The following BTBD9 variants were observed in gnomAD, a reference collection of about 807,000 sequenced individuals.
BTBD9 encodes BTB domain containing 9, also known as BTB/POZ domain-containing protein 9.
BTBD9 carries 49 observed loss-of-function variants against 64.3 expected under a neutral mutation model. The ratio of observed to expected loss-of-function variants is 0.76; its 90% CI spans 0.61 to 0.97. The LOEUF (loss-of-function observed/expected upper bound fraction) is 0.97. Among genes scored for constraint, BTBD9 ranks in the 50% least tolerant of loss-of-function variants. The probability of loss-of-function intolerance (pLI) is 0.00; values close to 1 mark genes in which losing one functional copy is unlikely to be tolerated. For missense variants in BTBD9, 598 were observed against 762.1 expected (o/e 0.78, Z 2.53); for synonymous variants, 260 against 274.7 (o/e 0.95, Z 0.53).
chr6:38,209,652 G>A (rs1762765897), intron 9 of BTBD9, among the ~76,000 whole-genome samples: 1 of 152,144 alleles, frequency 6.6e-6, no homozygotes, highest in South Asian at 2.1e-4. Context: ...AATTCCTCAG[G>A]TGATTTCAAT....
chr6:38,299,573 A>G (rs1762304960), intron 7 of BTBD9, among the ~76,000 whole-genome samples: 2 of 152,150 alleles, frequency 1.3e-5, no homozygotes, highest in South Asian at 4.1e-4. Flanking sequence ...ATGGTATCTC[A>G]TTGTGGTTTT....
intron 1 of BTBD9, among the ~76,000 whole-genome samples, chr6:38,629,613 A>C (rs559355029): frequency 1.3e-5 from 2 of 151,896 alleles, no homozygotes; most frequent in Non-Finnish European, 2.9e-5. Flanking sequence ...CACGAGGTCA[A>C]GAGTTCTAGA....
chr6:38,173,719 T>C lies in BTBD9; in HGVS notation c.*1266A>G, dbSNP rs1281961963. On this transcript the variant is annotated 3_prime_UTR_variant, in exon 11 of 11. Transcript: ENST00000481247. ...GCCGAAGACCCAAGGACTGCAGTGC[T>C]GCTCACGTGCCATGCCGTCCTGGGG... The C allele has an allele frequency of 1.3e-5, 2 of 152,248 alleles. No individual in the cohort carries two copies. Among genetic ancestry groups the C allele is most frequent in the African/African-American group, 4.8e-5 (2 of 41,444 alleles). The allele number at this position is 152,248 out of a possible 1,614,324, so 9.4% of individuals were successfully genotyped here. A position where few individuals can be genotyped will look rare whatever the true frequency, so the allele number is the denominator to read the frequency against.
intron 6 of BTBD9, among the ~76,000 whole-genome samples, chr6:38,523,393 C>T (rs1323014854): frequency 6.6e-6 from 1 of 152,148 alleles, no homozygotes; most frequent in Non-Finnish European, 1.5e-5. Flanking sequence ...TGTACTATAA[C>T]ACTTACAAAG....
intron 1 of BTBD9, among the ~76,000 whole-genome samples, chr6:38,629,983 G>A (rs558030470): frequency 2.6e-5 from 4 of 151,974 alleles, no homozygotes; most frequent in East Asian, 3.9e-4. Flanking sequence ...CAAGGTGGGC[G>A]GATCACCTGA....
intron 6 of BTBD9, among the ~76,000 whole-genome samples, chr6:38,501,234 A>G (rs933032395): frequency 1.3e-5 from 2 of 152,192 alleles, no homozygotes; most frequent in African/African-American, 4.8e-5. Context: ...CAAGCATCCA[A>G]GATCCTCCAG....
chr6:38,275,398 G>A (rs1296794976), intron 8 of BTBD9, among the ~76,000 whole-genome samples: 2 of 152,134 alleles, frequency 1.3e-5, no homozygotes, highest in Admixed American at 1.3e-4. Context: ...AAAAAGCCTA[G>A]AAGAAAACCT....
intron 7 of BTBD9, among the ~76,000 whole-genome samples, chr6:38,314,658 G>C (rs955521338): frequency 6.6e-6 from 1 of 151,730 alleles, no homozygotes; most frequent in Non-Finnish European, 1.5e-5. Flanking sequence ...CTTCAATCTC[G>C]TTACTTGTTA....
intron 8 of BTBD9, among the ~76,000 whole-genome samples, chr6:38,265,205 C>A (rs889255224): frequency 6.6e-6 from 1 of 151,886 alleles, no homozygotes; most frequent in Non-Finnish European, 1.5e-5. Flanking sequence ...TCCAGGATTA[C>A]AAAAATGTGA....
chr6:38,404,488 C>G (rs920614249), intron 6 of BTBD9, among the ~76,000 whole-genome samples: 2 of 152,136 alleles, frequency 1.3e-5, no homozygotes, highest in African/African-American at 4.8e-5. Context: ...ACCGACAGCA[C>G]AGCTAGGACA....
intron 3 of BTBD9, among the ~76,000 whole-genome samples, chr6:38,593,622 C>T (rs1292700774): frequency 6.6e-6 from 1 of 152,240 alleles, no homozygotes; most frequent in African/African-American, 2.4e-5. Context: ...TTATTAGTCA[C>T]ACTCTCTGTC....
At chr6:38,442,661 CTTTTT>C (rs11313452) in intron 6 of BTBD9, among the ~76,000 whole-genome samples, 3 of 57,538 alleles carry the variant, frequency 5.2e-5, no homozygotes, top group Admixed American at 5.1e-4. Flanking sequence ...CATTTGTACT[CTTTTT>C]TTTTTTTTTT....
At chr6:38,333,081 G>A (rs1169737560) in intron 7 of BTBD9, among the ~76,000 whole-genome samples, 1 of 152,188 alleles carries the variant, frequency 6.6e-6, no homozygotes, top group East Asian at 1.9e-4. Flanking sequence ...AATATGGCTA[G>A]TGATGGAGTA....
At chr6:38,221,532 G>A (rs889315201) in intron 9 of BTBD9, among the ~76,000 whole-genome samples, 2 of 152,122 alleles carry the variant, frequency 1.3e-5, no homozygotes, top group Admixed American at 6.5e-5. Context: ...GAGGAGTGCC[G>A]CCCGTCAATG....
At chr6:38,440,824 T>A (rs1039433311) in intron 6 of BTBD9, among the ~76,000 whole-genome samples, 1 of 152,198 alleles carries the variant, frequency 6.6e-6, no homozygotes, top group Non-Finnish European at 1.5e-5. Context: ...AAAGCACAGA[T>A]AATGAGCTAT....
At chr6:38,319,140 A>C (rs1404348890) in intron 7 of BTBD9, among the ~76,000 whole-genome samples, 1 of 151,740 alleles carries the variant, frequency 6.6e-6, no homozygotes, top group Non-Finnish European at 1.5e-5. Flanking sequence ...CAGGCCTGGC[A>C]CTCACCCTTA....
chr6:38,178,236 CA>C (rs1360982878), intron 10 of BTBD9, among the ~76,000 whole-genome samples: 2 of 146,948 alleles, frequency 1.4e-5, no homozygotes, highest in Non-Finnish European at 3.0e-5. Flanking sequence ...AGTGTTTTTA[CA>C]AATGGATAGG....
chr6:38,630,695 T>C (rs1159644146), intron 1 of BTBD9, among the ~76,000 whole-genome samples: 3 of 152,240 alleles, frequency 2.0e-5, no homozygotes, highest in Admixed American at 2.0e-4. Context: ...GGGGTCAGGA[T>C]AGTGAAAGTT....
chr6:38,352,376 G>GAA (rs926462198), intron 6 of BTBD9, among the ~76,000 whole-genome samples: 1 of 139,692 alleles, frequency 7.2e-6, no homozygotes, highest in Non-Finnish European at 1.6e-5. Flanking sequence ...AACTCTGTCT[G>GAA]AAAAAAAAAA....
Sources: gnomAD v4.1 joint callset for allele counts (sites outside exome capture counted in the v4.1 genomes callset) on GRCh38, gnomAD v4.1.1 for gene constraint, MANE v1.5 for transcripts, NCBI Gene and HGNC (gene_info 2026-07-23, HGNC 2026-07-21) for gene names.